FNDC1: variants seen among roughly 807,000 people sequenced by gnomAD.
The protein encoded by FNDC1 is fibronectin type III domain-containing protein 1.
FNDC1 carries 96 observed loss-of-function variants against 168.0 expected under a neutral mutation model. The observed-to-expected ratio is 0.57, with a 90% confidence interval of 0.48 to 0.68. The LOEUF is 0.68. Ranked by LOEUF, FNDC1 falls within the 30% of genes least tolerant of loss-of-function variation. The probability of loss-of-function intolerance (pLI) is 0.00; values close to 1 mark genes in which losing one functional copy is unlikely to be tolerated. For missense variants in FNDC1, 2,587 were observed against 2,482.1 expected (o/e 1.04, Z -0.90); for synonymous variants, 1,099 against 1,025.9 (o/e 1.07, Z -1.36).
chr6:159,214,838 G>A (rs1782675931), intron 4 of FNDC1, 107 bp from the exon 5 acceptor site: 1 of 892,172 alleles, frequency 1.1e-6, no homozygotes, highest in East Asian at 2.6e-5. Flanking sequence ...CATGTTTGAA[G>A]CTCAGCAGCT....
In FNDC1 at chr6:159,271,421, C is replaced by T; in HGVS notation, c.5664C>T (p.Val1888=). The part of the protein sequence containing the change: ...YYYVGWYECG[V]SIPGKW ...ATGTGGGCTGGTACGAGTGTGGGGTCTCCATCCCTGGAAAGTGGTAATCAC... is the reference window on the plus strand; with the variant it reads ...ATGTGGGCTGGTACGAGTGTGGGGTTTCCATCCCTGGAAAGTGGTAATCAC... The change falls in exon 23 of 23, where the codon GTC becomes GTT. Residue 1888 remains valine, a synonymous_variant. Transcript: ENST00000297267. 1 of 1,610,208 alleles carries T rather than the reference C, an allele frequency of 6.2e-7. No homozygotes were observed. The highest frequency in any genetic ancestry group is 8.5e-7 in the Non-Finnish European group (1 of 1,178,316).
At chr6:159,245,047 T>G (rs1268484478) in intron 14 of FNDC1, among the ~76,000 whole-genome samples, 1 of 151,456 alleles carries the variant, frequency 6.6e-6, no homozygotes, top group Non-Finnish European at 1.5e-5. Context: ...AGAGAGAGAG[T>G]GAGAGCGAGA....
intron 15 of FNDC1, among the ~76,000 whole-genome samples, 153 bp from the exon 16 acceptor site, chr6:159,248,886 G>A (rs941890561): frequency 2.0e-5 from 3 of 152,028 alleles, no homozygotes; most frequent in Admixed American, 6.5e-5. Flanking sequence ...AATTACGTTT[G>A]GGCATAGCAT....
At chr6:159,247,730 C>T (rs542865347) in intron 15 of FNDC1, among the ~76,000 whole-genome samples, 2 of 151,376 alleles carry the variant, frequency 1.3e-5, no homozygotes, top group African/African-American at 2.4e-5. Flanking sequence ...GAGAGCAACA[C>T]CCCATTTCAA....
Position 159,232,603 on chromosome 6 carries a change from C to G in FNDC1, c.2091C>G (p.Ala697=), listed in dbSNP as rs381639. 1,147,846 of 1,606,794 alleles carry G rather than the reference C, an allele frequency of 0.71. 422,907 individuals carry two copies. Among genetic ancestry groups the G allele is most frequent in the Middle Eastern group, 0.77 (4,667 of 6,040 alleles). Residue 697 remains alanine, a synonymous_variant, in exon 11 of 23, where the codon GCC becomes GCG. Coordinates refer to ENST00000297267, the MANE Select transcript of FNDC1 (RefSeq NM_032532.3). The surrounding 1 kb of genome is among the most constrained non-coding windows in gnomAD (Gnocchi z 4.9). The part of the protein sequence containing the change: ...VHPGAKPASP[A]RRTPHSGAAE... ...CCGGCGCAAAGCCAGCCTCGCCGGC[C>G]CGGAGGACCCCCCATTCAGGGGCCG...
At chr6:159,173,257 T>C (rs479397) in intron 1 of FNDC1, among the ~76,000 whole-genome samples, 76,815 of 152,014 alleles carry the variant, frequency 0.51, 19,715 homozygotes, top group East Asian at 0.62. Flanking sequence ...GTCCTGCACC[T>C]CTGGGGGCCT....
In FNDC1 at chr6:159,251,480, C is replaced by G. The variant is rs763700928; in HGVS notation, c.5013C>G (p.His1671Gln). The change falls in exon 17 of 23, where the codon CAC (histidine) becomes CAG (glutamine). Residue 1671 changes from histidine to glutamine, a missense_variant. His to Gln is a conservative substitution (Grantham distance 24). Coordinates refer to ENST00000297267, the MANE Select transcript of FNDC1 (RefSeq NM_032532.3). The stretch of plus-strand genomic sequence containing the variant: ...CCGTGGTGGCCGTGGAAGGTTGCCA[C>G]TCATTTGTCATTGTGGACTGGGACA... ...NITVVAVEGC[H>Q]SFVIVDWDKA... The G allele has an allele frequency of 1.9e-6, 3 of 1,613,802 alleles. No homozygotes were observed. The highest frequency in any genetic ancestry group is 1.7e-5 in the Admixed American group (1 of 59,992).
chr6:159,169,496 G>A lies in FNDC1; in HGVS notation c.-101G>A, dbSNP rs956759621. 10 of 229,890 alleles carry A rather than the reference G, an allele frequency of 4.3e-5. No individual in the cohort carries two copies. Among genetic ancestry groups the A allele is most frequent in the African/African-American group, 2.3e-4 (10 of 42,826 alleles). 14.2% of individuals were successfully genotyped at this position (229,890 alleles called of 1,614,324 possible). The stretch of plus-strand genomic sequence containing the variant: ...GCAGAGCGCGCAGAACAGACGGACG[G>A]CGGCGGGGACCCGACGGCGGCGCCT... On this transcript the variant is annotated 5_prime_UTR_variant, in exon 1 of 23. Coordinates refer to ENST00000297267, the MANE Select transcript of FNDC1 (RefSeq NM_032532.3). The surrounding 1 kb of genome is among the most constrained non-coding windows in gnomAD (Gnocchi z 6.8).
chr6:159,172,330 C>T (rs1781679873), intron 1 of FNDC1, among the ~76,000 whole-genome samples: 1 of 152,196 alleles, frequency 6.6e-6, no homozygotes. Context: ...TAGAGCTATT[C>T]TGACTTGGGT....
chr6:159,253,992 G>A (rs140382186), intron 17 of FNDC1, among the ~76,000 whole-genome samples: 31 of 152,318 alleles, frequency 2.0e-4, no homozygotes, highest in African/African-American at 5.5e-4. Context: ...GGGAAATGCC[G>A]TGAGGAGGGC....
At position 159,239,722 on chromosome 6, in the gene FNDC1, C is replaced by G. The variant is rs1279305646; in HGVS notation, c.4386C>G (p.Thr1462=). 6.5e-7 allele frequency: 1 copy of G among 1,548,222 alleles called. No homozygotes were observed. ...QPTTTTTPLP[T]TTTPRPTTAT... is the part of the protein sequence containing the mutation. ...CCACTACTACGACGCCCCTGCCTAC[C>G]ACTACAACCCCGAGGCCCACCACTG... The change falls in exon 14 of 23, where the codon ACC becomes ACG. Residue 1462 remains threonine, a synonymous_variant. Transcript: ENST00000297267.
chr6:159,246,910 C>G lies in FNDC1; in HGVS notation c.4631C>G (p.Ser1544Ter). Residue 1544 changes from serine (S) to a stop codon, truncating the protein, a stop_gained, in exon 15 of 23, where the codon TCA (serine) becomes TGA (stop). Transcript: ENST00000297267. LOFTEE classifies it high-confidence loss of function. Reference protein sequence around the residue: ...PECYAEEDEFSGLETDTAVPT... With the variant: ...PECYAEEDEF ...TCTCTGTCCTCACTAGATGAGTTCTCAGGCTTGGAGACTGACACTGCAGTA... is the reference window on the plus strand; with the variant it reads ...TCTCTGTCCTCACTAGATGAGTTCTGAGGCTTGGAGACTGACACTGCAGTA... 6.2e-7 allele frequency: 1 copy of G among 1,612,078 alleles called. No individual in the cohort carries two copies. The highest frequency in any genetic ancestry group is 2.2e-5 in the East Asian group (1 of 44,878).
chr6:159,215,267 A>C, intron 5 of FNDC1, 116 bp downstream of exon 5: 1 of 889,172 alleles, frequency 1.1e-6, no homozygotes, highest in South Asian at 1.7e-5. Flanking sequence ...CACTTGCCAG[A>C]TGTTACAATG....
At chr6:159,248,948 C>T in intron 15 of FNDC1, 91 bp from the exon 16 acceptor site, 1 of 1,260,636 alleles carries the variant, frequency 7.9e-7, no homozygotes, top group Non-Finnish European at 1.1e-6. Context: ...TGGGTTTCAG[C>T]CTACAGTTGA....
intron 1 of FNDC1, among the ~76,000 whole-genome samples, chr6:159,170,279 G>T (rs545795188): frequency 1.3e-5 from 2 of 152,334 alleles, no homozygotes; most frequent in East Asian, 3.9e-4. Context: ...CGCGCGCCCG[G>T]GGGGAACGTT....
chr6:159,269,484 A>ATCTG (rs1777683621), intron 22 of FNDC1, among the ~76,000 whole-genome samples: 1 of 141,240 alleles, frequency 7.1e-6, no homozygotes, highest in African/African-American at 2.8e-5. Context: ...CTATCTATCT[A>ATCTG]TCTATCTATC....
chr6:159,270,568 G>A (rs774636163), intron 22 of FNDC1, among the ~76,000 whole-genome samples: 1 of 152,270 alleles, frequency 6.6e-6, no homozygotes, highest in Non-Finnish European at 1.5e-5. Context: ...CTGGTGGAAG[G>A]GCAGGCAGCT....
In FNDC1 at chr6:159,223,546, T is replaced by A; in HGVS notation, c.785T>A (p.Val262Glu). 2 of 1,613,184 alleles carry A rather than the reference T, an allele frequency of 1.2e-6. No individual in the cohort carries two copies. The highest frequency in any genetic ancestry group is 8.5e-7 in the Non-Finnish European group (1 of 1,179,310). The part of the protein sequence containing the change: ...RKISEEDELD[V>E]PDDISVRVMS... ...ATTTCAGAAGAGGACGAATTGGATG[T>A]ACCTGACGACATCAGCGTCCGGGTT... Residue 262 changes from valine (V) to glutamate (E), a missense_variant, in exon 7 of 23, where the codon GTA becomes GAA. By Grantham distance (121) the Val-to-Glu change is moderately radical (BLOSUM62 -2). Transcript: ENST00000297267.
chr6:159,220,215 CTG>C (rs914289943), intron 5 of FNDC1, among the ~76,000 whole-genome samples: 2 of 152,202 alleles, frequency 1.3e-5, no homozygotes, highest in African/African-American at 4.8e-5. Flanking sequence ...AACAGTCCCT[CTG>C]TGTGAGAATT....
Sources: gnomAD v4.1 joint callset for allele counts (sites outside exome capture counted in the v4.1 genomes callset) on GRCh38, gnomAD v4.1.1 for gene constraint, Gnocchi (gnomAD v3.1) non-coding constraint, MANE v1.5 for transcripts, NCBI Gene and HGNC (gene_info 2026-07-23, HGNC 2026-07-21) for gene names.